Variants in ERC1 observed in about 807,000 individuals in gnomAD.
ERC1 encodes RAB6 interacting protein 2.
Under a neutral mutation model 132.0 loss-of-function variants are expected in ERC1, and 56 were observed. The observed-to-expected ratio is 0.42, with a 90% CI of 0.34 to 0.53. ERC1 has a LOEUF of 0.53. Ranked by LOEUF, ERC1 falls within the 20% of genes least tolerant of loss-of-function variation. The pLI is 0.03. For synonymous variants in ERC1, 478 were observed against 476.1 expected (o/e 1.00, Z -0.05); for missense variants, 1,202 against 1,349.9 (o/e 0.89, Z 1.72).
At chr12:1,418,603 CTTTCTTTCTTTCTTTCTTTCTTTCTT>C (rs1211687683) in intron 17 of ERC1, among the ~76,000 whole-genome samples, 7 of 77,566 alleles carry the variant, frequency 9.0e-5, no homozygotes, top group African/African-American at 2.9e-4. Flanking sequence ...TTCTTTCTTT[CTTTCTTTCTTTCTTTCTTTCTTTCTT>C]TCTTTCTTTC....
At chr12:1,005,996 C>T (rs1237288783) in intron 1 of ERC1, among the ~76,000 whole-genome samples, 5 of 148,994 alleles carry the variant, frequency 3.4e-5, no homozygotes, top group Non-Finnish European at 7.4e-5. Context: ...CTCGCTCTAT[C>T]GCCCAGGCTG....
intron 14 of ERC1, among the ~76,000 whole-genome samples, chr12:1,273,951 A>G (rs1235177768): frequency 6.6e-6 from 1 of 152,216 alleles, no homozygotes; most frequent in Non-Finnish European, 1.5e-5. Context: ...GTGACATAAA[A>G]CCATGTTTGT....
intron 15 of ERC1, among the ~76,000 whole-genome samples, chr12:1,365,316 C>T (rs1387664692): frequency 6.0e-5 from 9 of 150,596 alleles, no homozygotes; most frequent in Non-Finnish European, 1.0e-4. Flanking sequence ...TGCCTAGACG[C>T]TACTGGCCTG....
At chr12:1,188,664 G>T (rs1399788805) in intron 11 of ERC1, among the ~76,000 whole-genome samples, 1 of 152,082 alleles carries the variant, frequency 6.6e-6, no homozygotes, top group Non-Finnish European at 1.5e-5. Context: ...CTTGGGAAAG[G>T]ACTTATCTTA....
At chr12:1,282,617 C>G (rs2078757662) in intron 14 of ERC1, among the ~76,000 whole-genome samples, 1 of 152,162 alleles carries the variant, frequency 6.6e-6, no homozygotes, top group East Asian at 1.9e-4. Context: ...TTTTCATTAG[C>G]AATAGTTGTG....
chr12:1,206,852 T>G (rs1038740572), intron 12 of ERC1, among the ~76,000 whole-genome samples: 1 of 152,120 alleles, frequency 6.6e-6, no homozygotes, highest in Admixed American at 6.5e-5. Context: ...GTTTAGAATA[T>G]GTGTGATAGT....
chr12:1,112,898 A>G (rs1390337575), intron 6 of ERC1, among the ~76,000 whole-genome samples: 1 of 152,214 alleles, frequency 6.6e-6, no homozygotes, highest in Non-Finnish European at 1.5e-5. Context: ...GAACATAATA[A>G]TAAAATAAAT....
At chr12:1,348,618 C>T (rs76173578) in intron 15 of ERC1, among the ~76,000 whole-genome samples, 2,662 of 151,740 alleles carry the variant, frequency 0.018, 87 homozygotes, top group African/African-American at 0.06. Flanking sequence ...GCTTGAACCT[C>T]GGAGGCAGAG....
chr12:1,295,245 C>T (rs1209884635), intron 15 of ERC1, among the ~76,000 whole-genome samples: 1 of 152,198 alleles, frequency 6.6e-6, no homozygotes, highest in Non-Finnish European at 1.5e-5. Flanking sequence ...GCAGTTTTCT[C>T]ACTCAGATTC....
chr12:1,305,503 TCC>T (rs1261690081), intron 15 of ERC1, among the ~76,000 whole-genome samples: 1 of 152,098 alleles, frequency 6.6e-6, no homozygotes, highest in South Asian at 2.1e-4. Context: ...AACCTACCGC[TCC>T]CTCGCCCCAC....
chr12:1,249,861 C>T (rs1031543169), intron 13 of ERC1, among the ~76,000 whole-genome samples: 6 of 152,184 alleles, frequency 3.9e-5, no homozygotes, highest in African/African-American at 1.2e-4. Flanking sequence ...GTTGTGTCCT[C>T]ACATGGTGGA....
intron 2 of ERC1, among the ~76,000 whole-genome samples, chr12:1,031,235 C>G (rs530089615): frequency 6.6e-6 from 1 of 152,216 alleles, no homozygotes; most frequent in East Asian, 1.9e-4. Flanking sequence ...ATTCCAGATC[C>G]TCCCATCTAC....
chr12:1,364,653 G>A (rs2086483636), intron 15 of ERC1, among the ~76,000 whole-genome samples: 2 of 152,180 alleles, frequency 1.3e-5, no homozygotes, highest in Non-Finnish European at 2.9e-5. Context: ...GCCCATGTCA[G>A]TTCCCACGTC....
At chr12:1,239,181 C>G (rs1022448197) in intron 13 of ERC1, among the ~76,000 whole-genome samples, 5 of 152,172 alleles carry the variant, frequency 3.3e-5, no homozygotes, top group Non-Finnish European at 5.9e-5. Flanking sequence ...TGTGATCCTC[C>G]TGTCTCAGCC....
intron 16 of ERC1, among the ~76,000 whole-genome samples, chr12:1,405,972 A>G (rs1027484820): frequency 1.3e-5 from 2 of 152,246 alleles, no homozygotes; most frequent in African/African-American, 2.4e-5. Context: ...ATACACGTAT[A>G]CATATATGTG....
At chr12:1,271,880 C>T (rs1377207447) in intron 14 of ERC1, among the ~76,000 whole-genome samples, 2 of 152,224 alleles carry the variant, frequency 1.3e-5, no homozygotes, top group Non-Finnish European at 2.9e-5. Context: ...TCTGAGAGGA[C>T]TTCTTTGTAA....
chr12:1,262,653 T>C (rs986694613), intron 13 of ERC1, among the ~76,000 whole-genome samples: 1 of 152,014 alleles, frequency 6.6e-6, no homozygotes. Context: ...AGTGTTTTGA[T>C]ATTCGGTCGA....
chr12:1,246,079 A>G (rs1190699710), intron 13 of ERC1, among the ~76,000 whole-genome samples: 1 of 152,156 alleles, frequency 6.6e-6, no homozygotes, highest in East Asian at 1.9e-4. Flanking sequence ...CCTCAAAGTG[A>G]TTTTTTTATA....
chr12:1,271,553 TTTA>T (rs1251809396), intron 14 of ERC1, among the ~76,000 whole-genome samples: 1 of 152,192 alleles, frequency 6.6e-6, no homozygotes, highest in Non-Finnish European at 1.5e-5. Flanking sequence ...ATCAGATATT[TTTA>T]TTATTGATTT....
Sources: gnomAD v4.1 joint callset for allele counts (sites outside exome capture counted in the v4.1 genomes callset) on GRCh38, gnomAD v4.1.1 for gene constraint, MANE v1.5 for transcripts, NCBI Gene and HGNC (gene_info 2026-07-23, HGNC 2026-07-21) for gene names.